ZNF600: variants seen among roughly 807,000 people sequenced by gnomAD.
ZNF600 encodes the protein zinc finger protein KR-ZNF1.
ZNF600 carries 4 observed loss-of-function variants against 7.3 expected under a neutral mutation model. That is an observed-to-expected ratio of 0.55 (90% CI 0.27 to 1.25). ZNF600 has a LOEUF of 1.25. Among genes scored for constraint, ZNF600 ranks in the 50% most tolerant of loss-of-function variants. ZNF600 has a pLI of 0.12. For missense variants in ZNF600, 911 were observed against 922.1 expected (o/e 0.99, Z 0.16); for synonymous variants, 290 against 308.9 (o/e 0.94, Z 0.64).
chr19:52,817,110 C>G, the ZNF600 span, among the ~76,000 whole-genome samples: 473 of 151,920 alleles, frequency 3.1e-3, 2 homozygotes, highest in African/African-American at 0.011. Flanking sequence ...CGGTGGCTCA[C>G]GCTTGTAATC....
chr19:52,798,626 CTCCTA>C, the ZNF600 span: 2 of 148,410 alleles, frequency 1.3e-5, no homozygotes, highest in South Asian at 3.3e-5. Context: ...TGTATGAATC[CTCCTA>C]TGTTTTGCAT....
the ZNF600 span, chr19:52,809,881 G>T: frequency 4.1e-6 from 3 of 740,190 alleles, no homozygotes. Flanking sequence ...GGCGGTCCGG[G>T]ATCCAGGCCG....
At chr19:52,819,948 G>A in the ZNF600 span, among the ~76,000 whole-genome samples, 2 of 144,424 alleles carry the variant, frequency 1.4e-5, no homozygotes, top group African/African-American at 5.5e-5. Flanking sequence ...GTGGACAGCT[G>A]AGGTGGTTCA....
chr19:52,801,569 T>C, the ZNF600 span: 4 of 1,614,222 alleles, frequency 2.5e-6, no homozygotes, highest in African/African-American at 5.3e-5. Context: ...CATGAATGTC[T>C]TTCTCAATTT....
At chr19:52,787,277 T>G (rs2062772784), upstream of ZNF600, among the ~76,000 whole-genome samples, 1 of 151,890 alleles carries the variant, frequency 6.6e-6, no homozygotes, top group Non-Finnish European at 1.5e-5. Flanking sequence ...AAGCCTGAGG[T>G]CCCAGCTACT....
the ZNF600 span, among the ~76,000 whole-genome samples, chr19:52,828,896 T>C: frequency 1.3e-5 from 2 of 151,996 alleles, no homozygotes; most frequent in African/African-American, 4.8e-5. Flanking sequence ...GGTCTCCCCC[T>C]GTCACCCAGG....
chr19:52,828,375 A>AAGTGCCAT, the ZNF600 span, among the ~76,000 whole-genome samples: 1 of 152,064 alleles, frequency 6.6e-6, no homozygotes, highest in Non-Finnish European at 1.5e-5. Flanking sequence ...TTAACAAGTG[A>AAGTGCCAT]AGTGCCATTT....
At chr19:52,831,503 GT>G in the ZNF600 span, among the ~76,000 whole-genome samples, 4 of 150,096 alleles carry the variant, frequency 2.7e-5, no homozygotes, top group African/African-American at 9.8e-5. Flanking sequence ...TTGTTTTTTT[GT>G]TTTTTTGTTT....
chr19:52,787,874 AAAAG>A (rs1474889482), upstream of ZNF600, among the ~76,000 whole-genome samples: 16 of 105,078 alleles, frequency 1.5e-4, no homozygotes, highest in African/African-American at 6.0e-4. Flanking sequence ...AAAAAAAAGA[AAAAG>A]AAAAAGAAAA....
At chr19:52,789,814 T>G (rs115024920), upstream of ZNF600, among the ~76,000 whole-genome samples, 1,121 of 152,310 alleles carry the variant, frequency 7.4e-3, 13 homozygotes, top group African/African-American at 0.023. Context: ...AGCCTTTGTT[T>G]GAGCAACATG....
exon 4 of ZNF600, chr19:52,766,291 T>A: frequency 4.3e-6 from 7 of 1,614,160 alleles, no homozygotes; most frequent in Non-Finnish European, 5.9e-6. Context: ...TGAATTCTAG[T>A]ATGTTTTGCC....
the ZNF600 span, among the ~76,000 whole-genome samples, chr19:52,820,723 C>T: frequency 1.2e-3 from 190 of 152,314 alleles, no homozygotes; most frequent in African/African-American, 4.5e-3. Flanking sequence ...TGTCCTTCAT[C>T]TCTCTGTACA....
the ZNF600 span, among the ~76,000 whole-genome samples, chr19:52,795,172 T>G: frequency 6.6e-6 from 1 of 152,288 alleles, no homozygotes; most frequent in Non-Finnish European, 1.5e-5. Context: ...CCAGAGGAAC[T>G]TGAAGGGAAC....
the ZNF600 span, chr19:52,809,834 C>CGGCGGT: frequency 1.1e-4 from 61 of 555,752 alleles, 1 homozygote; most frequent in South Asian, 6.3e-4. Context: ...GCGGCGGCGG[C>CGGCGGT]GGCGGTGGCG....
At chr19:52,783,392 C>T (rs1009526826) in intron 1 of ZNF600, among the ~76,000 whole-genome samples, 5 of 152,128 alleles carry the variant, frequency 3.3e-5, no homozygotes, top group Non-Finnish European at 2.9e-5. Context: ...GACCGAGTCT[C>T]GCTCTGTCGC....
chr19:52,781,676 T>G (rs1293539987), intron 1 of ZNF600, among the ~76,000 whole-genome samples: 1 of 151,324 alleles, frequency 6.6e-6, no homozygotes, highest in Non-Finnish European at 1.5e-5. Context: ...TGACGCAAGA[T>G]CACTTGAGCC....
At chr19:52,772,274 C>A (rs1267094354) in intron 3 of ZNF600, among the ~76,000 whole-genome samples, 1 of 151,986 alleles carries the variant, frequency 6.6e-6, no homozygotes, top group African/African-American at 2.4e-5. Flanking sequence ...AACCAATGTA[C>A]TCCAGCCTGG....
chr19:52,774,297 C>G (rs1465451597), intron 3 of ZNF600, among the ~76,000 whole-genome samples: 1 of 151,582 alleles, frequency 6.6e-6, no homozygotes, highest in East Asian at 2.0e-4. Context: ...GGTGTGGTGG[C>G]ACATGCCTGT....
chr19:52,775,670 G>C (rs984418676), intron 2 of ZNF600, among the ~76,000 whole-genome samples: 2 of 152,176 alleles, frequency 1.3e-5, no homozygotes, highest in African/African-American at 4.8e-5. Context: ...GTGTTTCAGA[G>C]AGGACAAAAT....
Sources: gnomAD v4.1 joint callset for allele counts (sites outside exome capture counted in the v4.1 genomes callset) on GRCh38, gnomAD v4.1.1 for gene constraint, MANE v1.5 for transcripts, NCBI Gene and HGNC (gene_info 2026-07-23, HGNC 2026-07-21) for gene names.